The following RAMP3 variants were observed in gnomAD, a reference collection of about 807,000 sequenced individuals.
The protein encoded by RAMP3 is receptor activity modifying protein 3.
In RAMP3, 14 loss-of-function variants were observed where a neutral mutation model predicts 13.5. That is an observed-to-expected ratio of 1.04 (90% CI 0.69 to 1.63). The LOEUF (loss-of-function observed/expected upper bound fraction) is 1.63. RAMP3 is among the 40% of genes most tolerant of loss of function. The probability of loss-of-function intolerance (pLI) is 0.00; values close to 1 mark genes in which losing one functional copy is unlikely to be tolerated. For missense variants in RAMP3, 200 were observed against 204.8 expected (o/e 0.98, Z 0.14); for synonymous variants, 106 against 88.3 (o/e 1.20, Z -1.12).
rs111322265 is a variant in RAMP3 at position 45,169,513 on chromosome 7, A to G, written c.59-7796A>G. On this transcript the variant is annotated intron_variant, in intron 1 of 2. Coordinates refer to ENST00000242249, the MANE Select transcript of RAMP3 (RefSeq NM_005856.3). ...CCAATTTCAGTAGTTTATGTCTTTA[A>G]TAGTTTCCTAGGTTGTAACAAAGTA... Among the ~76,000 whole-genome samples the G allele has an allele frequency of 6.4e-3, 968 of 152,298 alleles. 8 individuals are homozygous for G. The highest frequency in any genetic ancestry group is 0.022 in the African/African-American group (913 of 41,560).
At position 45,177,366 on chromosome 7, in the gene RAMP3, T is replaced by C. The variant is rs1562570884; in HGVS notation, c.116T>C (p.Leu39Pro). ...NETGMLERLP[L>P]CGKAFADMMG... ...ACAGGCATGTTGGAGAGGCTGCCCC[T>C]GTGTGGGAAGGCTTTCGCAGACATG... Residue 39 changes from leucine (L) to proline (P), a missense_variant, in exon 2 of 3, where the codon CTG becomes CCG. Leu to Pro is a moderately conservative substitution (Grantham distance 98). Transcript: ENST00000242249. 6.2e-7 allele frequency: 1 copy of C among 1,614,008 alleles called. No homozygotes were observed. The highest frequency in any genetic ancestry group is 8.5e-7 in the Non-Finnish European group (1 of 1,179,986).
intron 2 of RAMP3, among the ~76,000 whole-genome samples, chr7:45,180,267 G>A (rs1230124043): frequency 6.6e-6 from 1 of 152,224 alleles, no homozygotes; most frequent in Non-Finnish European, 1.5e-5. Flanking sequence ...CAGGTGGAGG[G>A]CACTTGATGC....
rs118013232 is a variant in RAMP3 at position 45,176,595 on chromosome 7, C to G, written c.59-714C>G. 4.3e-4 allele frequency among the ~76,000 whole-genome samples: 66 copies of G among 152,152 alleles called. No homozygotes were observed. The East Asian group carries it at 0.012, about 27-fold the overall frequency. ...GACCGTGGAGACAGGCCCTGAAGGACAGGGGGCATTGCTCAGTGGGAGGGA... is the reference window on the plus strand; with the variant it reads ...GACCGTGGAGACAGGCCCTGAAGGAGAGGGGGCATTGCTCAGTGGGAGGGA... On this transcript the variant is annotated intron_variant, in intron 1 of 2. Transcript: ENST00000242249.
chr7:45,162,526 G>T (rs1048216692), intron 1 of RAMP3, among the ~76,000 whole-genome samples: 1 of 152,174 alleles, frequency 6.6e-6, no homozygotes, highest in Non-Finnish European at 1.5e-5. Context: ...AGCTCTGTGG[G>T]CAGGTGGCCT....
chr7:45,160,914 T>C (rs950323547), intron 1 of RAMP3, among the ~76,000 whole-genome samples: 1 of 152,136 alleles, frequency 6.6e-6, no homozygotes, highest in Non-Finnish European at 1.5e-5. Context: ...TAACATTGGG[T>C]GGGTTGTCAG....
chr7:45,176,649 G>A (rs77957843), intron 1 of RAMP3, among the ~76,000 whole-genome samples: 3,978 of 152,268 alleles, frequency 0.026, 102 homozygotes, highest in East Asian at 0.1. Flanking sequence ...AATGTGTGGA[G>A]CAAAGGCATG....
At chr7:45,172,013 C>T (rs1786092663) in intron 1 of RAMP3, among the ~76,000 whole-genome samples, 1 of 152,246 alleles carries the variant, frequency 6.6e-6, no homozygotes, top group Non-Finnish European at 1.5e-5. Flanking sequence ...TTGGCTTGCT[C>T]CTCCCATTGT....
In RAMP3 at chr7:45,184,019, C is replaced by T; in HGVS notation, c.*607C>T. 3 of 409,600 alleles carry T rather than the reference C, an allele frequency of 7.3e-6. No individual in the cohort carries two copies. Among genetic ancestry groups the T allele is most frequent in the Non-Finnish European group, 8.6e-6 (2 of 231,746 alleles). 25.4% of individuals were successfully genotyped at this position (409,600 alleles called of 1,614,324 possible). On this transcript the variant is annotated 3_prime_UTR_variant, in exon 3 of 3. Transcript: ENST00000242249. ...AGGAGCCATGCGTGGCCTGCAGAGT[C>T]CATTCCATCATGATGCTGTGCCCGC...
intron 1 of RAMP3, chr7:45,163,721 G>A: frequency 1.0e-6 from 1 of 985,262 alleles, no homozygotes; most frequent in African/African-American, 1.7e-5. Flanking sequence ...GGACCAGAAA[G>A]GTGAAGGGCC....
chr7:45,165,419 T>C (rs1479889727), intron 1 of RAMP3, among the ~76,000 whole-genome samples: 2 of 152,244 alleles, frequency 1.3e-5, no homozygotes, highest in Non-Finnish European at 2.9e-5. Flanking sequence ...TAGGTCCATA[T>C]TGGCTTCTGA....
intron 1 of RAMP3, 84 bp from the exon 2 acceptor site, chr7:45,177,225 C>T (rs548875231): frequency 1.3e-6 from 2 of 1,568,912 alleles, no homozygotes; most frequent in East Asian, 2.2e-5. Flanking sequence ...AGTGAGTACT[C>T]AAGTTATGGC....
intron 2 of RAMP3, among the ~76,000 whole-genome samples, chr7:45,179,369 T>G (rs62457145): frequency 0.42 from 63,595 of 151,394 alleles, 14,338 homozygotes; most frequent in Admixed American, 0.51. Flanking sequence ...CACGAGTCAC[T>G]TCCAAGCAGG....
chr7:45,183,376 G>A lies in RAMP3; in HGVS notation c.411G>A (p.Val137=). ...VVLTVAMAGL[V]VWRSKRTDTL... Reference sequence around the variant, plus strand: ...TGACTGTCGCCATGGCTGGCCTGGTGGTGTGGCGCAGCAAACGCACCGACA... The same window carrying A: ...TGACTGTCGCCATGGCTGGCCTGGTAGTGTGGCGCAGCAAACGCACCGACA... The change falls in exon 3 of 3, where the codon GTG becomes GTA. Residue 137 remains valine (V), a synonymous_variant. Coordinates refer to ENST00000242249, the MANE Select transcript of RAMP3 (RefSeq NM_005856.3). 1.2e-6 allele frequency: 2 copies of A among 1,613,436 alleles called. No homozygotes were observed. Among genetic ancestry groups the A allele is most frequent in the Non-Finnish European group, 1.7e-6 (2 of 1,180,030 alleles).
intron 2 of RAMP3, among the ~76,000 whole-genome samples, chr7:45,177,980 A>T (rs1046550109): frequency 6.7e-6 from 1 of 148,722 alleles, no homozygotes; most frequent in African/African-American, 2.5e-5. Flanking sequence ...CTGCCCGGGG[A>T]GTGTCCAGTT....
chr7:45,179,898 G>A (rs1297621199), intron 2 of RAMP3, among the ~76,000 whole-genome samples: 2 of 152,206 alleles, frequency 1.3e-5, no homozygotes, highest in African/African-American at 4.8e-5. Context: ...ATGAGCTCTA[G>A]GTTGGAGATG....
chr7:45,174,806 C>A (rs1274790215), intron 1 of RAMP3, among the ~76,000 whole-genome samples: 1 of 152,328 alleles, frequency 6.6e-6, no homozygotes, highest in Non-Finnish European at 1.5e-5. Flanking sequence ...TTCCTCTTGC[C>A]CCCTGGAACC....
intron 2 of RAMP3, among the ~76,000 whole-genome samples, chr7:45,182,598 G>A (rs994425667): frequency 5.9e-5 from 9 of 152,154 alleles, no homozygotes. Context: ...TGCTAGATGG[G>A]GCTGAAGGAG....
At chr7:45,169,296 T>C (rs557798499) in intron 1 of RAMP3, among the ~76,000 whole-genome samples, 2 of 152,320 alleles carry the variant, frequency 1.3e-5, no homozygotes, top group African/African-American at 4.8e-5. Context: ...AGTTGGAAGA[T>C]GGGGAAGTGC....
intron 2 of RAMP3, among the ~76,000 whole-genome samples, chr7:45,180,833 A>G (rs1244081405): frequency 2.0e-5 from 3 of 152,176 alleles, no homozygotes; most frequent in Admixed American, 2.0e-4. Context: ...TTTTAGGGAG[A>G]GTGCTCTGGG....
Sources: gnomAD v4.1 joint callset for allele counts (sites outside exome capture counted in the v4.1 genomes callset) on GRCh38, gnomAD v4.1.1 for gene constraint, MANE v1.5 for transcripts, NCBI Gene and HGNC (gene_info 2026-07-23, HGNC 2026-07-21) for gene names.